The following SPMIP7 variants were observed in gnomAD, a reference collection of about 807,000 sequenced individuals.
The protein encoded by SPMIP7 is protein SPMIP7.
the SPMIP7 span, among the ~76,000 whole-genome samples, chr7:50,116,108 A>G: frequency 6.6e-6 from 1 of 152,118 alleles, no homozygotes; most frequent in African/African-American, 2.4e-5. Flanking sequence ...ATTACTTTTC[A>G]TTTTATTTTA....
chr7:50,153,103 TAGAC>T, the SPMIP7 span, among the ~76,000 whole-genome samples: 2 of 152,294 alleles, frequency 1.3e-5, no homozygotes, highest in East Asian at 3.9e-4. Flanking sequence ...GTACGAAAGA[TAGAC>T]AGTAAAGAAG....
At chr7:50,153,283 G>T in the SPMIP7 span, among the ~76,000 whole-genome samples, 1 of 152,180 alleles carries the variant, frequency 6.6e-6, no homozygotes, top group African/African-American at 2.4e-5. Context: ...CAGAGCTCCT[G>T]CTCTGATCAG....
the SPMIP7 span, chr7:50,151,556 C>T: frequency 5.8e-6 from 9 of 1,540,080 alleles, no homozygotes; most frequent in East Asian, 2.4e-5. Flanking sequence ...AGAACTGCAC[C>T]GGTAAGTATG....
At chr7:50,125,990 A>C in the SPMIP7 span, among the ~76,000 whole-genome samples, 2 of 152,144 alleles carry the variant, frequency 1.3e-5, no homozygotes, top group African/African-American at 4.8e-5. Context: ...GCACATACAC[A>C]CACACAAATG....
the SPMIP7 span, among the ~76,000 whole-genome samples, chr7:50,148,339 C>A: frequency 3.9e-5 from 6 of 152,238 alleles, no homozygotes; most frequent in Non-Finnish European, 5.9e-5. Context: ...ACATATGATA[C>A]CATTTAGCAT....
At chr7:50,135,746 C>T in the SPMIP7 span, among the ~76,000 whole-genome samples, 1 of 152,128 alleles carries the variant, frequency 6.6e-6, no homozygotes, top group Non-Finnish European at 1.5e-5. Context: ...AAGTGGGAAA[C>T]TGGCCTGGGT....
the SPMIP7 span, among the ~76,000 whole-genome samples, chr7:50,103,750 C>T: frequency 6.6e-6 from 1 of 152,202 alleles, no homozygotes; most frequent in African/African-American, 2.4e-5. Flanking sequence ...CTTAGGTATC[C>T]TTCCTATGCA....
the SPMIP7 span, among the ~76,000 whole-genome samples, chr7:50,124,938 A>C: frequency 1.3e-5 from 2 of 151,676 alleles, no homozygotes; most frequent in Non-Finnish European, 2.9e-5. Context: ...GTCTCTACTA[A>C]AAACACAAAA....
At chr7:50,124,786 A>G in the SPMIP7 span, among the ~76,000 whole-genome samples, 1 of 152,128 alleles carries the variant, frequency 6.6e-6, no homozygotes, top group Non-Finnish European at 1.5e-5. Flanking sequence ...ATCTAAAATT[A>G]ATGATAATGT....
chr7:50,157,042 G>A, the SPMIP7 span, among the ~76,000 whole-genome samples: 3 of 152,140 alleles, frequency 2.0e-5, no homozygotes, highest in African/African-American at 4.8e-5. Flanking sequence ...CTGTACACTG[G>A]AAGGGGGACA....
At chr7:50,159,029 T>TC in the SPMIP7 span, 8 of 1,550,856 alleles carry the variant, frequency 5.2e-6, no homozygotes, top group Non-Finnish European at 7.0e-6. Context: ...CCTCCTTTTT[T>TC]TCCCATCCTG....
chr7:50,096,091 T>A, the SPMIP7 span: 3 of 1,472,548 alleles, frequency 2.0e-6, no homozygotes, highest in East Asian at 7.5e-5. Context: ...AGGCCATGGA[T>A]GTAGAAATTC....
At chr7:50,100,176 C>A in the SPMIP7 span, among the ~76,000 whole-genome samples, 1 of 152,166 alleles carries the variant, frequency 6.6e-6, no homozygotes, top group African/African-American at 2.4e-5. Flanking sequence ...CTCTGGGGAG[C>A]TCCCTTGGAA....
the SPMIP7 span, among the ~76,000 whole-genome samples, chr7:50,114,978 C>G: frequency 4.7e-5 from 7 of 148,220 alleles, no homozygotes; most frequent in Non-Finnish European, 3.0e-5. Context: ...TGCAGTGAGC[C>G]GAGATCACAC....
chr7:50,138,433 C>T, the SPMIP7 span, among the ~76,000 whole-genome samples: 1 of 152,200 alleles, frequency 6.6e-6, no homozygotes, highest in South Asian at 2.1e-4. Context: ...ATGAGACAGA[C>T]AGACATCACA....
At chr7:50,127,897 C>G in the SPMIP7 span, among the ~76,000 whole-genome samples, 25 of 151,944 alleles carry the variant, frequency 1.6e-4, no homozygotes, top group East Asian at 9.7e-4. Context: ...CTATGGAAAA[C>G]AGTATGGAGG....
the SPMIP7 span, among the ~76,000 whole-genome samples, chr7:50,100,812 A>AAAATAAATAAATAAGT: frequency 7.2e-6 from 1 of 139,278 alleles, no homozygotes; most frequent in East Asian, 2.1e-4. Context: ...ATGCCGTCCA[A>AAAATAAATAAATAAGT]AAATAAATAA....
chr7:50,134,456 A>G, the SPMIP7 span, among the ~76,000 whole-genome samples: 2 of 152,224 alleles, frequency 1.3e-5, no homozygotes, highest in Non-Finnish European at 1.5e-5. Context: ...GACTGCAAAT[A>G]CTTTGATGTT....
At chr7:50,108,383 A>G in the SPMIP7 span, among the ~76,000 whole-genome samples, 1 of 152,188 alleles carries the variant, frequency 6.6e-6, no homozygotes, top group African/African-American at 2.4e-5. Context: ...GATACATAAC[A>G]TACACAAGTG....
Sources: gnomAD v4.1 joint callset for allele counts (sites outside exome capture counted in the v4.1 genomes callset) on GRCh38, gnomAD v4.1.1 for gene constraint, MANE v1.5 for transcripts, NCBI Gene and HGNC (gene_info 2026-07-23, HGNC 2026-07-21) for gene names.